Variants in POPDC1 observed in about 807,000 individuals in gnomAD.
POPDC1 encodes the protein popeye domain cAMP effector 1.
At chr6:105,123,997 C>CA in the POPDC1 span, among the ~76,000 whole-genome samples, 32 of 150,280 alleles carry the variant, frequency 2.1e-4, no homozygotes, top group East Asian at 1.2e-3. Flanking sequence ...TTCAAATAAG[C>CA]AAAAAAAAAT....
At chr6:105,134,746 T>C in the POPDC1 span, among the ~76,000 whole-genome samples, 1 of 152,166 alleles carries the variant, frequency 6.6e-6, no homozygotes, top group Non-Finnish European at 1.5e-5. Flanking sequence ...AATTTACAAA[T>C]TGTGAATGAA....
the POPDC1 span, chr6:105,125,568 T>G: frequency 3.7e-6 from 6 of 1,613,904 alleles, no homozygotes; most frequent in Non-Finnish European, 5.1e-6. Context: ...GAGTTCCTTT[T>G]CAATCTTTAC....
At chr6:105,127,891 C>T in the POPDC1 span, among the ~76,000 whole-genome samples, 1 of 152,148 alleles carries the variant, frequency 6.6e-6, no homozygotes, top group Non-Finnish European at 1.5e-5. Flanking sequence ...CTCTGAGTAG[C>T]TGGGACTACA....
the POPDC1 span, chr6:105,100,484 T>C: frequency 6.7e-6 from 1 of 149,974 alleles, no homozygotes; most frequent in East Asian, 1.9e-4. Flanking sequence ...CACTCCAGCC[T>C]GGGCGACAGA....
the POPDC1 span, chr6:105,125,495 T>TA: frequency 6.2e-7 from 1 of 1,614,176 alleles, no homozygotes; most frequent in Non-Finnish European, 8.5e-7. Flanking sequence ...ACTGTCCAGT[T>TA]AGTCTTCTGA....
chr6:105,129,280 G>T, the POPDC1 span: 2 of 1,062,636 alleles, frequency 1.9e-6, no homozygotes, highest in East Asian at 2.7e-5. Context: ...ATATTAAAGT[G>T]ACTAAATATG....
chr6:105,123,815 T>G, the POPDC1 span, among the ~76,000 whole-genome samples: 1 of 152,238 alleles, frequency 6.6e-6, no homozygotes, highest in African/African-American at 2.4e-5. Flanking sequence ...GTTTAGTGAT[T>G]ACATTTCATT....
chr6:105,113,958 A>T, the POPDC1 span, among the ~76,000 whole-genome samples: 1 of 151,930 alleles, frequency 6.6e-6, no homozygotes, highest in Non-Finnish European at 1.5e-5. Context: ...ACACACACAA[A>T]AAAAACAAAA....
chr6:105,106,530 G>GT, the POPDC1 span, among the ~76,000 whole-genome samples: 2 of 152,256 alleles, frequency 1.3e-5, no homozygotes, highest in Non-Finnish European at 2.9e-5. Context: ...ATGGCAGGGG[G>GT]TGACCACACC....
the POPDC1 span, among the ~76,000 whole-genome samples, chr6:105,104,199 T>C: frequency 4.9e-4 from 75 of 152,154 alleles, no homozygotes; most frequent in African/African-American, 1.7e-3. Context: ...CAAATTCCCA[T>C]TGTTTCCTCA....
At chr6:105,115,253 A>AT in the POPDC1 span, among the ~76,000 whole-genome samples, 5 of 151,954 alleles carry the variant, frequency 3.3e-5, no homozygotes, top group Admixed American at 6.5e-5. Flanking sequence ...AGCCCGGCTA[A>AT]TTTTTTTTGT....
the POPDC1 span, chr6:105,115,956 G>A: frequency 2.6e-6 from 2 of 773,806 alleles, no homozygotes; most frequent in South Asian, 6.1e-5. Context: ...TACATATTAG[G>A]TGGCCAATAA....
the POPDC1 span, among the ~76,000 whole-genome samples, chr6:105,105,974 T>C: frequency 6.6e-6 from 1 of 152,224 alleles, no homozygotes; most frequent in Admixed American, 6.5e-5. Context: ...TATCCATAAA[T>C]TTCCCAGAAA....
chr6:105,109,531 A>G, the POPDC1 span, among the ~76,000 whole-genome samples: 1 of 151,874 alleles, frequency 6.6e-6, no homozygotes, highest in Non-Finnish European at 1.5e-5. Context: ...TGAGCCCAGG[A>G]ATTTGAGACC....
the POPDC1 span, among the ~76,000 whole-genome samples, chr6:105,122,660 A>G: frequency 6.6e-6 from 1 of 152,230 alleles, no homozygotes; most frequent in Non-Finnish European, 1.5e-5. Context: ...CAGGCAAAAG[A>G]TAAATGTTGG....
the POPDC1 span, among the ~76,000 whole-genome samples, chr6:105,102,563 G>A: frequency 6.6e-6 from 1 of 152,182 alleles, no homozygotes; most frequent in South Asian, 2.1e-4. Flanking sequence ...TCAGCAAACA[G>A]TTCCAGAGTT....
the POPDC1 span, among the ~76,000 whole-genome samples, chr6:105,127,938 T>G: frequency 6.6e-6 from 1 of 152,318 alleles, no homozygotes; most frequent in East Asian, 1.9e-4. Flanking sequence ...TTTGTATTTT[T>G]TAGTAGAGAC....
At chr6:105,110,793 C>T in the POPDC1 span, among the ~76,000 whole-genome samples, 1 of 152,272 alleles carries the variant, frequency 6.6e-6, no homozygotes, top group East Asian at 1.9e-4. Context: ...AAGTGGTCCT[C>T]TTAGCTCAGC....
chr6:105,105,140 T>A, the POPDC1 span, among the ~76,000 whole-genome samples: 1 of 152,120 alleles, frequency 6.6e-6, no homozygotes, highest in Non-Finnish European at 1.5e-5. Context: ...AAGTTCTTGA[T>A]TCACTTTCAT....
Sources: allele counts gnomAD v4.1 joint callset (sites outside exome capture counted in the v4.1 genomes callset), GRCh38; gene constraint gnomAD v4.1.1; transcripts MANE v1.5; gene names NCBI Gene and HGNC (gene_info 2026-07-23, HGNC 2026-07-21).